Variants in DPP10 observed in about 807,000 individuals in gnomAD.
DPP10 encodes dipeptidyl peptidase like 10.
Under a neutral mutation model 120.9 loss-of-function variants are expected in DPP10, and 33 were observed. That is an observed-to-expected ratio of 0.27 (90% CI 0.21 to 0.37). DPP10 has a LOEUF of 0.37. Ranked by LOEUF, DPP10 falls within the 10% of genes least tolerant of loss-of-function variation. The probability of loss-of-function intolerance (pLI) is 1.00; values close to 1 mark genes in which losing one functional copy is unlikely to be tolerated. For missense variants in DPP10, 816 were observed against 942.8 expected (o/e 0.87, Z 1.76); for synonymous variants, 337 against 326.1 (o/e 1.03, Z -0.36).
intron 2 of DPP10, among the ~76,000 whole-genome samples, chr2:115,336,599 CTATATATA>C (rs71394128): frequency 2.1e-5 from 3 of 145,786 alleles, no homozygotes; most frequent in Non-Finnish European, 3.0e-5. Flanking sequence ...CTCTCTCTCT[CTATATATA>C]TATATATAAT....
At chr2:115,101,864 G>A (rs2048705655) in intron 1 of DPP10, among the ~76,000 whole-genome samples, 1 of 152,114 alleles carries the variant, frequency 6.6e-6, no homozygotes, top group African/African-American at 2.4e-5. Context: ...CAGTTAATAC[G>A]AGGTTATCAA....
chr2:114,442,778 C>G lies in DPP10; in HGVS notation c.-1C>G. The G allele has an allele frequency of 6.2e-7, 1 of 1,613,322 alleles. No individual in the cohort carries two copies. The highest frequency in any genetic ancestry group is 8.5e-7 in the Non-Finnish European group (1 of 1,179,488). On this transcript the variant is annotated 5_prime_UTR_variant, in exon 1 of 26. Coordinates refer to ENST00000410059, the MANE Select transcript of DPP10 (RefSeq NM_020868.6). Reference sequence around the variant, plus strand: ...TTGTGCACTGTCCAGGGTCCTGAAACATGAACCAAACTGCCAGCGTGTCCC... The same window carrying G: ...TTGTGCACTGTCCAGGGTCCTGAAAGATGAACCAAACTGCCAGCGTGTCCC...
intron 1 of DPP10, among the ~76,000 whole-genome samples, chr2:114,653,651 C>T (rs1199859165): frequency 4.6e-5 from 7 of 152,114 alleles, no homozygotes; most frequent in African/African-American, 1.7e-4. Context: ...TTCTCAGTGT[C>T]CTTCAATAAG....
chr2:115,058,001 GC>G (rs533688388), intron 1 of DPP10, among the ~76,000 whole-genome samples: 586 of 152,300 alleles, frequency 3.8e-3, no homozygotes, highest in Non-Finnish European at 7.1e-3. Flanking sequence ...AACTAAGAAT[GC>G]TTTGAGGGTT....
At chr2:115,254,898 G>A (rs1022970987) in intron 1 of DPP10, among the ~76,000 whole-genome samples, 10 of 152,254 alleles carry the variant, frequency 6.6e-5, no homozygotes, top group East Asian at 3.9e-4. Context: ...GTGCTCTTCC[G>A]GCTGCTTTCA....
chr2:115,126,456 A>G (rs1005907557), intron 1 of DPP10, among the ~76,000 whole-genome samples: 4 of 152,182 alleles, frequency 2.6e-5, no homozygotes, highest in African/African-American at 9.7e-5. Context: ...CTGAACATGA[A>G]TGCTCTCTTT....
At chr2:114,490,189 G>T (rs1260978527) in intron 1 of DPP10, among the ~76,000 whole-genome samples, 2 of 152,144 alleles carry the variant, frequency 1.3e-5, no homozygotes, top group East Asian at 3.9e-4. Context: ...TTCCATTAGA[G>T]AATCTCTTGC....
chr2:115,478,061 A>G (rs34884623), intron 3 of DPP10, among the ~76,000 whole-genome samples: 29,550 of 152,100 alleles, frequency 0.19, 3,660 homozygotes, highest in East Asian at 0.39. Context: ...ACTCATTACC[A>G]AAAGGATGGC....
chr2:115,310,015 A>G (rs986387863), intron 2 of DPP10, among the ~76,000 whole-genome samples: 24 of 152,120 alleles, frequency 1.6e-4, no homozygotes, highest in African/African-American at 5.8e-4. Flanking sequence ...ATTACTCTTT[A>G]GTAGGTACTA....
chr2:115,209,680 G>T (rs1217391720), intron 1 of DPP10, among the ~76,000 whole-genome samples: 1 of 152,028 alleles, frequency 6.6e-6, no homozygotes. Flanking sequence ...ATGTGGTCTT[G>T]CAGCTCAGAA....
chr2:115,517,800 G>A (rs1267323879), intron 4 of DPP10, among the ~76,000 whole-genome samples: 1 of 152,112 alleles, frequency 6.6e-6, no homozygotes, highest in Non-Finnish European at 1.5e-5. Flanking sequence ...ATTCATATTT[G>A]TCTTATCTGC....
Position 115,836,677 on chromosome 2 carries a change from G to T in DPP10, c.2113G>T (p.Ala705Ser), listed in dbSNP as rs371247499. 233 of 1,612,416 alleles carry T rather than the reference G, an allele frequency of 1.4e-4. No homozygotes were observed. The highest frequency in any genetic ancestry group is 1.9e-4 in the Non-Finnish European group (220 of 1,179,454). The change falls in exon 24 of 26, where the codon GCC becomes TCC. Residue 705 changes from alanine to serine, a missense_variant. By Grantham distance (99) the Ala-to-Ser change is moderately conservative. This residue lies in a region of DPP10 where 592 missense variants were observed against 649.0 expected (regional missense o/e 0.91). Coordinates refer to ENST00000410059, the MANE Select transcript of DPP10 (RefSeq NM_020868.6). ...PSKEESTYQA[A>S]SVLHNVHGLK... ...ATATTTGTATTTTCCTTTATAGGCA[G>T]CCAGTGTGCTACATAATGTTCATGG...
At chr2:114,844,043 C>T (rs1248258497) in intron 1 of DPP10, among the ~76,000 whole-genome samples, 3 of 152,162 alleles carry the variant, frequency 2.0e-5, no homozygotes, top group Non-Finnish European at 1.5e-5. Flanking sequence ...TCTCTAAAAT[C>T]ATTCCTCTTG....
chr2:114,797,563 G>A (rs940086994), intron 1 of DPP10, among the ~76,000 whole-genome samples: 3 of 152,150 alleles, frequency 2.0e-5, no homozygotes, highest in Non-Finnish European at 4.4e-5. Flanking sequence ...TGGCAAAGGG[G>A]CACCAGAATT....
intron 11 of DPP10, among the ~76,000 whole-genome samples, chr2:115,760,450 T>G (rs1380659377): frequency 6.6e-6 from 1 of 152,204 alleles, no homozygotes; most frequent in African/African-American, 2.4e-5. Context: ...GTTAATGTTT[T>G]GGGGAAAAAT....
intron 1 of DPP10, among the ~76,000 whole-genome samples, chr2:114,563,145 G>A (rs1047219271): frequency 2.6e-5 from 4 of 152,210 alleles, no homozygotes; most frequent in South Asian, 2.1e-4. Flanking sequence ...AGGCCAAGGC[G>A]GGCGGATCAT....
chr2:115,475,118 G>C (rs547105380), intron 3 of DPP10, among the ~76,000 whole-genome samples: 8 of 152,212 alleles, frequency 5.3e-5, no homozygotes, highest in Non-Finnish European at 1.2e-4. Flanking sequence ...AAGACAATGG[G>C]AAGGCCTTGA....
At chr2:114,463,989 A>G (rs1432804732) in intron 1 of DPP10, among the ~76,000 whole-genome samples, 1 of 152,138 alleles carries the variant, frequency 6.6e-6, no homozygotes, top group East Asian at 1.9e-4. Context: ...ATTCTACTTT[A>G]TTGCTAAGTA....
intron 5 of DPP10, among the ~76,000 whole-genome samples, chr2:115,672,249 G>A: frequency 1.3e-5 from 2 of 152,030 alleles, no homozygotes. Context: ...TTGGTTGGTT[G>A]GCTGGTTGGA....
Sources: allele counts gnomAD v4.1 joint callset (sites outside exome capture counted in the v4.1 genomes callset), GRCh38; gene constraint gnomAD v4.1.1; regional missense constraint gnomAD v4.1.1; transcripts MANE v1.5; gene names NCBI Gene and HGNC (gene_info 2026-07-23, HGNC 2026-07-21).